APLF: variants seen among roughly 807,000 people sequenced by gnomAD.
APLF encodes aprataxin and PNK-like factor.
In APLF, 61 loss-of-function variants were observed where a neutral mutation model predicts 55.6. The observed-to-expected ratio is 1.10, with a 90% CI of 0.89 to 1.36. The LOEUF is 1.36. Ranked by LOEUF, APLF falls within the 40% of genes most tolerant of loss-of-function variation. The pLI is 0.00. For synonymous variants in APLF, 207 were observed against 214.8 expected, an observed-to-expected ratio of 0.96 and a Z score of 0.32; for missense variants, 611 against 602.5, an observed-to-expected ratio of 1.01 and a Z score of -0.15.
chr2:68,546,722 A>G (rs1378001773), intron 8 of APLF, among the ~76,000 whole-genome samples: 1 of 151,920 alleles, frequency 6.6e-6, no homozygotes, highest in East Asian at 1.9e-4. Flanking sequence ...TATGAAAAAA[A>G]CTTGTTATAA....
intron 8 of APLF, among the ~76,000 whole-genome samples, chr2:68,554,680 T>C (rs925067215): frequency 2.3e-4 from 35 of 151,968 alleles, no homozygotes; most frequent in Admixed American, 4.6e-4. Context: ...GGTTGAGTTC[T>C]TGATTTGATT....
intron 8 of APLF, among the ~76,000 whole-genome samples, chr2:68,554,512 T>C (rs1670951495): frequency 6.6e-6 from 1 of 152,144 alleles, no homozygotes; most frequent in Non-Finnish European, 1.5e-5. Context: ...TTTACAATAT[T>C]GATTCTACCT....
intron 8 of APLF, among the ~76,000 whole-genome samples, chr2:68,560,117 C>T (rs961351670): frequency 6.6e-6 from 1 of 152,198 alleles, no homozygotes; most frequent in Middle Eastern, 3.4e-3. Flanking sequence ...CCGTCTCTGA[C>T]CTCTCTACCT....
rs536284697 is a variant in APLF at position 68,554,380 on chromosome 2, C to T, written c.1286+9068C>T. 1.4e-4 allele frequency among the ~76,000 whole-genome samples: 22 copies of T among 152,050 alleles called. No homozygotes were observed. In the South Asian group the frequency reaches 4.6e-3, roughly 32 times the overall value. ...ACTTGTTATACTTTTTTAAATCTAA[C>T]AAAATTAAATTCAACATGAAAAAAT... is the stretch of plus-strand genomic sequence containing the variant. On this transcript the variant is annotated intron_variant, in intron 8 of 9. Transcript: ENST00000303795.
chr2:68,478,089 T>C (rs1182722549), intron 1 of APLF, among the ~76,000 whole-genome samples: 1 of 151,554 alleles, frequency 6.6e-6, no homozygotes, highest in Admixed American at 6.6e-5. Flanking sequence ...TAACACACCA[T>C]GGGACCATGG....
At chr2:68,542,890 A>C (rs1254068398) in intron 7 of APLF, among the ~76,000 whole-genome samples, 1 of 152,292 alleles carries the variant, frequency 6.6e-6, no homozygotes, top group South Asian at 2.1e-4. Flanking sequence ...GGTAGAAGGA[A>C]CCCACATGTC....
intron 7 of APLF, among the ~76,000 whole-genome samples, chr2:68,541,983 C>T (rs1479069174): frequency 6.6e-6 from 1 of 152,028 alleles, no homozygotes; most frequent in Non-Finnish European, 1.5e-5. Flanking sequence ...ATAAATAAAT[C>T]CTCATATATA....
intron 2 of APLF, among the ~76,000 whole-genome samples, chr2:68,498,002 A>C (rs1452524166): frequency 8.0e-6 from 1 of 124,940 alleles, no homozygotes; most frequent in Non-Finnish European, 1.5e-5. Context: ...AGATTGATGT[A>C]TTTATTCAGC....
chr2:68,533,688 C>T (rs928700137), intron 6 of APLF, among the ~76,000 whole-genome samples: 1 of 152,150 alleles, frequency 6.6e-6, no homozygotes, highest in Non-Finnish European at 1.5e-5. Context: ...TGGGGGCTGG[C>T]TGGGCCCACC....
At chr2:68,473,667 A>G (rs1249868488) in intron 1 of APLF, among the ~76,000 whole-genome samples, 3 of 152,216 alleles carry the variant, frequency 2.0e-5, no homozygotes, top group East Asian at 1.9e-4. Flanking sequence ...GGACATCCTT[A>G]TCAACATTTG....
At chr2:68,503,384 G>A (rs763395578) in intron 3 of APLF, among the ~76,000 whole-genome samples, 1 of 152,018 alleles carries the variant, frequency 6.6e-6, no homozygotes, top group Non-Finnish European at 1.5e-5. Context: ...ACTGATGTCT[G>A]GCTTACAGTT....
chr2:68,485,241 T>C (rs926379352), intron 1 of APLF, among the ~76,000 whole-genome samples: 1 of 152,172 alleles, frequency 6.6e-6, no homozygotes, highest in South Asian at 2.1e-4. Flanking sequence ...TTTAATTTAA[T>C]CTAGAACGGT....
At chr2:68,519,886 C>T (rs967555664) in intron 5 of APLF, among the ~76,000 whole-genome samples, 1 of 151,764 alleles carries the variant, frequency 6.6e-6, no homozygotes, top group African/African-American at 2.4e-5. Context: ...TTTAAGGAAT[C>T]TCCACACGGT....
At chr2:68,563,096 T>C in intron 8 of APLF, 1 of 985,260 alleles carries the variant, frequency 1.0e-6, no homozygotes, top group Non-Finnish European at 1.2e-6. Flanking sequence ...TTGCTTTAGG[T>C]TGGAAGTTCA....
At chr2:68,560,278 A>G (rs1671134135) in intron 8 of APLF, among the ~76,000 whole-genome samples, 1 of 152,128 alleles carries the variant, frequency 6.6e-6, no homozygotes, top group Non-Finnish European at 1.5e-5. Context: ...CTACTGACTG[A>G]GTCTCTGGAA....
At position 68,467,767 on chromosome 2, in the gene APLF, CGGTCCCCGGGTGGCCCTGG is replaced by C; in HGVS notation, c.37_55del (p.Gly13ArgfsTer6). On this transcript the variant is annotated frameshift_variant, in exon 1 of 10. Transcript: ENST00000303795. LOFTEE classifies it high-confidence loss of function. The stretch of plus-strand genomic sequence containing the variant: ...GCTTCGAGCTGCAGCCGCGGGACGG[CGGTCCCCGGGTGGCCCTGG>C]CGCCCGGGGAGACGGTGATCGGCCG... 4 of 1,234,576 alleles carry C rather than the reference CGGTCCCCGGGTGGCCCTGG, an allele frequency of 3.2e-6. No homozygotes were observed. The highest frequency in any genetic ancestry group is 8.2e-5 in the South Asian group (2 of 24,406). 76.5% of individuals were successfully genotyped at this position (1,234,576 alleles called of 1,614,324 possible).
intron 5 of APLF, chr2:68,515,682 A>C: frequency 3.0e-6 from 3 of 983,690 alleles, no homozygotes; most frequent in South Asian, 9.4e-5. Flanking sequence ...GCATGTGTAC[A>C]ATGTACTTAA....
intron 5 of APLF, among the ~76,000 whole-genome samples, chr2:68,517,428 A>G (rs1022493905): frequency 7.6e-6 from 1 of 132,342 alleles, no homozygotes; most frequent in African/African-American, 3.0e-5. Flanking sequence ...ACTATATATT[A>G]ATATATCTAT....
intron 8 of APLF, among the ~76,000 whole-genome samples, chr2:68,565,211 A>G (rs1410905788): frequency 3.9e-5 from 6 of 152,102 alleles, no homozygotes; most frequent in Non-Finnish European, 7.4e-5. Flanking sequence ...CTCAAAAGCA[A>G]TAACACTCTA....
Sources: allele counts gnomAD v4.1 joint callset (sites outside exome capture counted in the v4.1 genomes callset), GRCh38; gene constraint gnomAD v4.1.1; transcripts MANE v1.5; gene names NCBI Gene and HGNC (gene_info 2026-07-23, HGNC 2026-07-21).